The following ANKRD66 variants were observed in gnomAD, a reference collection of about 807,000 sequenced individuals.
The protein encoded by ANKRD66 is ankyrin repeat domain-containing protein 66.
In ANKRD66, 10 loss-of-function variants were observed where a neutral mutation model predicts 10.9. That is an observed-to-expected ratio of 0.91 (90% CI 0.56 to 1.55). The LOEUF is 1.55. ANKRD66 is among the 40% of genes most tolerant of loss of function. ANKRD66 has a pLI of 0.00. For missense variants in ANKRD66, 252 were observed against 242.9 expected, an observed-to-expected ratio of 1.04 and a Z score of -0.25; for synonymous variants, 85 against 88.4, an observed-to-expected ratio of 0.96 and a Z score of 0.22.
rs1367994589 is a variant in ANKRD66 at position 46,749,895 on chromosome 6, G to C, written c.-96-1G>C. On this transcript the variant is annotated splice_acceptor_variant, in intron 1 of 4. Coordinates refer to ENST00000565422, the MANE Select transcript of ANKRD66 (RefSeq NM_001162435.3). LOFTEE classifies it low-confidence loss of function (5UTR_SPLICE). ...GTTTACTTTTCTTTCTCTCCCTCCAGGGCTGTTCTCACATTTCAATGCACT... is the reference window on the plus strand; with the variant it reads ...GTTTACTTTTCTTTCTCTCCCTCCACGGCTGTTCTCACATTTCAATGCACT... 6.5e-7 allele frequency: 1 copy of C among 1,550,024 alleles called. No individual in the cohort carries two copies. Among genetic ancestry groups the C allele is most frequent in the African/African-American group, 1.4e-5 (1 of 72,920 alleles).
chr6:46,752,062 A>C lies in ANKRD66; in HGVS notation c.114A>C (p.Lys38Asn). 3 of 1,535,976 alleles carry C rather than the reference A, an allele frequency of 2.0e-6. No homozygotes were observed. The highest frequency in any genetic ancestry group is 2.6e-6 in the Non-Finnish European group (3 of 1,140,402). ...LKKGLCDPNY[K>N]DVDWNDRTPL... ...AAGGTCTCTGTGACCCAAACTACAA[A>C]GATGTAGACTGGAATGACCGGACCC... is the stretch of plus-strand genomic sequence containing the variant. The change falls in exon 3 of 5, where the codon AAA becomes AAC. Residue 38 changes from lysine to asparagine, a missense_variant. Lys to Asn is a moderately conservative substitution (Grantham distance 94). Coordinates refer to ENST00000565422, the MANE Select transcript of ANKRD66 (RefSeq NM_001162435.3).
At chr6:46,747,028 G>A (rs909703931) in intron 1 of ANKRD66, 38 bp downstream of exon 1, 9 of 1,526,304 alleles carry the variant, frequency 5.9e-6, no homozygotes, top group Non-Finnish European at 7.9e-6. Flanking sequence ...ATTTACTATA[G>A]TTATTAAAAA....
At chr6:46,756,912 G>T (rs1766396759) in intron 4 of ANKRD66, 1 of 152,144 alleles carries the variant, frequency 6.6e-6, no homozygotes, top group African/African-American at 2.4e-5. Flanking sequence ...TTTAAATGCT[G>T]ACATTCCTTA....
Position 46,753,928 on chromosome 6 carries a change from G to A in ANKRD66, c.370G>A (p.Ala124Thr), listed in dbSNP as rs753906346. The A allele has an allele frequency of 6.4e-7, 1 of 1,551,324 alleles. No individual in the cohort carries two copies. The highest frequency in any genetic ancestry group is 1.2e-5 in the South Asian group (1 of 83,956). ...GATTGCACAGATCTATGGACAGAAAGCCTGTGTGGCATTTCTGGAAAAGTA... is the reference window on the plus strand; with the variant it reads ...GATTGCACAGATCTATGGACAGAAAACCTGTGTGGCATTTCTGGAAAAGTA... ...KRIAQIYGQK[A>T]CVAFLEKAEP... Residue 124 changes from alanine to threonine, a missense_variant, in exon 4 of 5, where the codon GCC (alanine) becomes ACC (threonine). By Grantham distance (58) the Ala-to-Thr change is moderately conservative. Coordinates refer to ENST00000565422, the MANE Select transcript of ANKRD66 (RefSeq NM_001162435.3).
chr6:46,754,075 T>C, intron 4 of ANKRD66, 125 bp downstream of exon 4: 1 of 825,916 alleles, frequency 1.2e-6, no homozygotes, highest in Non-Finnish European at 1.8e-6. Context: ...CAATGGACTA[T>C]TATTTTTATT....
chr6:46,758,164 C>G (rs930145176), intron 4 of ANKRD66: 5 of 152,186 alleles, frequency 3.3e-5, no homozygotes, highest in African/African-American at 1.2e-4. Context: ...CACCATTGGC[C>G]TCATACAAAA....
intron 2 of ANKRD66, among the ~76,000 whole-genome samples, chr6:46,751,409 GTGAT>G (rs1216641218): frequency 1.3e-5 from 2 of 152,164 alleles, no homozygotes; most frequent in African/African-American, 4.8e-5. Flanking sequence ...ATTTATTTGT[GTGAT>G]TGTGTGTCCA....
At chr6:46,756,260 G>T in intron 4 of ANKRD66, 1 of 217,164 alleles carries the variant, frequency 4.6e-6, no homozygotes, top group Non-Finnish European at 9.4e-6. Flanking sequence ...TTAATTGGAA[G>T]GGTTTGTTAT....
At chr6:46,758,619 T>G (rs1766424617) in intron 4 of ANKRD66, 104 bp from the exon 5 acceptor site, 4 of 1,155,466 alleles carry the variant, frequency 3.5e-6, no homozygotes, top group Non-Finnish European at 4.6e-6. Flanking sequence ...CCTCCTTCCT[T>G]CTCAACTGAA....
intron 1 of ANKRD66, among the ~76,000 whole-genome samples, chr6:46,749,472 G>T (rs1460280747): frequency 1.3e-5 from 2 of 151,896 alleles, no homozygotes; most frequent in Non-Finnish European, 2.9e-5. Context: ...CCCAGGCAAG[G>T]GGGGCAGGGT....
At chr6:46,751,214 T>C (rs1009867335) in intron 2 of ANKRD66, among the ~76,000 whole-genome samples, 3 of 152,210 alleles carry the variant, frequency 2.0e-5, no homozygotes, top group African/African-American at 4.8e-5. Flanking sequence ...TTTTCTACAC[T>C]ATTGCTTTTG....
chr6:46,749,560 C>G lies in ANKRD66; in HGVS notation c.-96-336C>G, dbSNP rs926925193. On this transcript the variant is annotated intron_variant, in intron 1 of 4. Coordinates refer to ENST00000565422, the MANE Select transcript of ANKRD66 (RefSeq NM_001162435.3). ...TTTTTTCTCTTTTATTCCCCCCCCC[C>G]CCCCCCCGCTTTTTTCTTTTCCTCT... is the stretch of plus-strand genomic sequence containing the variant. 9.9e-4 allele frequency among the ~76,000 whole-genome samples: 104 copies of G among 105,240 alleles called. 4 individuals are homozygous for G. The East Asian group carries it at 0.014, about 14-fold the overall frequency. 69.0% of individuals were successfully genotyped at this position (105,240 alleles called of 152,430 possible).
chr6:46,751,605 C>G (rs1343908476), intron 2 of ANKRD66, among the ~76,000 whole-genome samples: 1 of 152,090 alleles, frequency 6.6e-6, no homozygotes, highest in Admixed American at 6.5e-5. Flanking sequence ...TACTTACTAA[C>G]TTACTTACTT....
intron 4 of ANKRD66, among the ~76,000 whole-genome samples, chr6:46,755,233 A>G (rs1195036692): frequency 6.6e-6 from 1 of 152,140 alleles, no homozygotes; most frequent in Non-Finnish European, 1.5e-5. Flanking sequence ...CCTTAGATGA[A>G]TCTCTGTCTT....
intron 3 of ANKRD66, among the ~76,000 whole-genome samples, chr6:46,752,545 C>T (rs1766295214): frequency 6.6e-6 from 1 of 152,184 alleles, no homozygotes; most frequent in Non-Finnish European, 1.5e-5. Context: ...CCAGATGGAA[C>T]ATTTTAATCC....
chr6:46,756,949 T>C (rs1766397911), intron 4 of ANKRD66: 1 of 152,234 alleles, frequency 6.6e-6, no homozygotes, highest in Non-Finnish European at 1.5e-5. Context: ...TGTCCTCTAC[T>C]GACTCTCTCT....
At chr6:46,749,146 C>T (rs750436491) in intron 1 of ANKRD66, among the ~76,000 whole-genome samples, 5 of 152,200 alleles carry the variant, frequency 3.3e-5, no homozygotes, top group Non-Finnish European at 5.9e-5. Context: ...CAGCCCACAG[C>T]TGTGCCTGGC....
chr6:46,754,135 T>A (rs1490901421), intron 4 of ANKRD66, among the ~76,000 whole-genome samples, 185 bp downstream of exon 4: 3 of 152,082 alleles, frequency 2.0e-5, no homozygotes, highest in African/African-American at 7.2e-5. Context: ...AAAAGACTAG[T>A]TTAGGGGTCA....
At chr6:46,747,894 T>C (rs1223539212) in intron 1 of ANKRD66, among the ~76,000 whole-genome samples, 1 of 152,180 alleles carries the variant, frequency 6.6e-6, no homozygotes, top group African/African-American at 2.4e-5. Context: ...AGCATAAAGA[T>C]AGATATTTAG....
Sources: gnomAD v4.1 joint callset for allele counts (sites outside exome capture counted in the v4.1 genomes callset) on GRCh38, gnomAD v4.1.1 for gene constraint, MANE v1.5 for transcripts, NCBI Gene and HGNC (gene_info 2026-07-23, HGNC 2026-07-21) for gene names.